Variants in KY observed in about 807,000 individuals in gnomAD.
KY encodes kyphoscoliosis peptidase.
KY carries 43 observed loss-of-function variants against 76.1 expected under a neutral mutation model. The ratio of observed to expected loss-of-function variants is 0.57; its 90% CI spans 0.44 to 0.73. The LOEUF (loss-of-function observed/expected upper bound fraction) is 0.73, where lower values mean the gene tolerates loss of function less well. Among genes scored for constraint, KY ranks in the 30% least tolerant of loss-of-function variants. The pLI, the probability that KY is intolerant of heterozygous loss-of-function variation, is 0.00. For missense variants in KY, 722 were observed against 828.9 expected (o/e 0.87, Z 1.58); for synonymous variants, 277 against 326.2 (o/e 0.85, Z 1.63).
At chr3:134,643,433 C>A in intron 2 of KY, 55 bp from the exon 3 acceptor site, 1 of 1,479,474 alleles carries the variant, frequency 6.8e-7, no homozygotes, top group Non-Finnish European at 9.4e-7. Flanking sequence ...TTTCCCCAGG[C>A]AGAGCAAAGA....
At chr3:134,621,028 T>C (rs1377757090) in intron 6 of KY, among the ~76,000 whole-genome samples, 171 bp from the exon 7 acceptor site, 1 of 152,078 alleles carries the variant, frequency 6.6e-6, no homozygotes, top group Non-Finnish European at 1.5e-5. Flanking sequence ...TGGGGGAAGT[T>C]GGACAGGGCA....
At chr3:134,613,508 G>C (rs1175827195) in intron 8 of KY, among the ~76,000 whole-genome samples, 1 of 152,192 alleles carries the variant, frequency 6.6e-6, no homozygotes, top group Non-Finnish European at 1.5e-5. Context: ...TCACCTCCCA[G>C]GTCTGGTGGT....
chr3:134,629,694 C>T lies in KY; in HGVS notation c.264G>A (p.Gly88=), dbSNP rs1963964696. ...PQVITSYNSQ[G]TQLTVEVHPR... is the part of the protein sequence containing the mutation. ...GGTGGACTTCCACAGTCAGTTGTGT[C>T]CCTACAAAGGAAAAGGAGATGACAT... The change falls in exon 4 of 11, where the codon GGG becomes GGA. Residue 88 remains glycine (G), a splice_region_variant and synonymous_variant. Transcript: ENST00000423778. 1.3e-6 allele frequency: 2 copies of T among 1,585,692 alleles called. No homozygotes were observed. The highest frequency in any genetic ancestry group is 1.2e-5 in the South Asian group (1 of 86,592).
intron 10 of KY, chr3:134,607,102 A>G: frequency 4.1e-6 from 4 of 985,456 alleles, no homozygotes; most frequent in Non-Finnish European, 4.8e-6. Context: ...ACTCAATGAC[A>G]TCAGTTTGGT....
At chr3:134,644,608 C>G (rs886490278) in intron 2 of KY, among the ~76,000 whole-genome samples, 2 of 152,198 alleles carry the variant, frequency 1.3e-5, no homozygotes, top group African/African-American at 2.4e-5. Context: ...CTGGAAGTGA[C>G]CAATGGGACC....
intron 3 of KY, among the ~76,000 whole-genome samples, chr3:134,631,574 C>G (rs760387044): frequency 2.6e-5 from 4 of 151,994 alleles, no homozygotes; most frequent in Non-Finnish European, 5.9e-5. Flanking sequence ...AAATATATGA[C>G]AACTACAACA....
intron 2 of KY, 45 bp from the exon 3 acceptor site, chr3:134,643,423 T>A: frequency 1.3e-6 from 2 of 1,550,126 alleles, no homozygotes; most frequent in Non-Finnish European, 1.8e-6. Flanking sequence ...ACTGGGGAAT[T>A]TTCCCCAGGC....
chr3:134,601,524 G>T lies in KY; in HGVS notation c.*2055C>A, dbSNP rs1958963688. On this transcript the variant is annotated 3_prime_UTR_variant, in exon 11 of 11. Coordinates refer to ENST00000423778, the MANE Select transcript of KY (RefSeq NM_178554.6). The stretch of plus-strand genomic sequence containing the variant: ...ACATTTCTTTAAGCCCATAAAATCA[G>T]AAGTGTGCAAGACGGCTGTTTTCAG... 6.6e-6 allele frequency among the ~76,000 whole-genome samples: 1 copy of T among 152,268 alleles called. No individual in the cohort carries two copies. The highest frequency in any genetic ancestry group is 6.5e-5 in the Admixed American group (1 of 15,294).
At chr3:134,611,919 T>G (rs1456922058) in intron 8 of KY, among the ~76,000 whole-genome samples, 2 of 152,226 alleles carry the variant, frequency 1.3e-5, no homozygotes, top group Non-Finnish European at 2.9e-5. Flanking sequence ...TAGCAAAATA[T>G]TGGATTAAAT....
intron 3 of KY, 85 bp from the exon 4 acceptor site, chr3:134,629,780 A>T (rs1963977333): frequency 9.7e-6 from 8 of 828,274 alleles, no homozygotes; most frequent in South Asian, 8.9e-5. Flanking sequence ...GAATAAAAAA[A>T]CAATTAGTTT....
chr3:134,647,890 G>A (rs765111274), intron 1 of KY, among the ~76,000 whole-genome samples: 1 of 152,166 alleles, frequency 6.6e-6, no homozygotes, highest in African/African-American at 2.4e-5. Context: ...GATATAGAGT[G>A]GGGGGAGTGG....
chr3:134,625,659 T>G (rs1963343238), intron 5 of KY, among the ~76,000 whole-genome samples: 1 of 152,192 alleles, frequency 6.6e-6, no homozygotes, highest in Non-Finnish European at 1.5e-5. Context: ...GGCCGGGCCA[T>G]CTGGGTCCTG....
At chr3:134,607,908 G>T (rs1959529297) in intron 10 of KY, 2 of 991,700 alleles carry the variant, frequency 2.0e-6, no homozygotes, top group Non-Finnish European at 2.4e-6. Context: ...TCATCCAGGG[G>T]TGCCTGAGTT....
At chr3:134,610,161 C>G in intron 9 of KY, 34 bp downstream of exon 9, 1 of 1,589,514 alleles carries the variant, frequency 6.3e-7, no homozygotes, top group Non-Finnish European at 8.6e-7. Flanking sequence ...CTTCCACCTG[C>G]CAGACGCCCA....
intron 3 of KY, among the ~76,000 whole-genome samples, chr3:134,633,132 C>A (rs192380466): frequency 9.2e-4 from 140 of 152,132 alleles, no homozygotes; most frequent in Middle Eastern, 6.8e-3. Flanking sequence ...AATCTTCCCC[C>A]CAAAAGCCAG....
intron 1 of KY, among the ~76,000 whole-genome samples, chr3:134,650,518 C>T (rs1454391350): frequency 6.6e-6 from 1 of 152,026 alleles, no homozygotes; most frequent in Non-Finnish European, 1.5e-5. Context: ...AGGGTATCTT[C>T]CAATCTTGCT....
chr3:134,610,098 C>T, intron 9 of KY, 97 bp downstream of exon 9: 1 of 1,353,724 alleles, frequency 7.4e-7, no homozygotes. Flanking sequence ...TCTCCTTCCC[C>T]TCCCGCTTGG....
intron 6 of KY, among the ~76,000 whole-genome samples, chr3:134,622,810 G>A (rs1398890135): frequency 6.6e-6 from 1 of 152,148 alleles, no homozygotes; most frequent in African/African-American, 2.4e-5. Context: ...GGGCCACTAG[G>A]TCCTGCAATG....
At chr3:134,610,511 C>T (rs1960182105) in intron 8 of KY, 128 bp from the exon 9 acceptor site, 5 of 775,864 alleles carry the variant, frequency 6.4e-6, no homozygotes, top group Non-Finnish European at 1.0e-5. Context: ...TTCCTTGCTT[C>T]TTGTACTCAC....
Sources: gnomAD v4.1 joint callset for allele counts (sites outside exome capture counted in the v4.1 genomes callset) on GRCh38, gnomAD v4.1.1 for gene constraint, MANE v1.5 for transcripts, NCBI Gene and HGNC (gene_info 2026-07-23, HGNC 2026-07-21) for gene names.